The following OSBPL3 variants were observed in gnomAD, a reference collection of about 807,000 sequenced individuals.
OSBPL3 encodes the protein oxysterol-binding protein-related protein 3.
OSBPL3 carries 65 observed loss-of-function variants against 120.1 expected under a neutral mutation model. The ratio of observed to expected loss-of-function variants is 0.54; its 90% CI spans 0.44 to 0.67. The LOEUF (loss-of-function observed/expected upper bound fraction) is 0.67. Among genes scored for constraint, OSBPL3 ranks in the 30% least tolerant of loss-of-function variants. The pLI, the probability that OSBPL3 is intolerant of heterozygous loss-of-function variation, is 0.00. For missense variants in OSBPL3, 1,004 were observed against 1,082.1 expected, an observed-to-expected ratio of 0.93 and a Z score of 1.01; for synonymous variants, 416 against 402.6, an observed-to-expected ratio of 1.03 and a Z score of -0.40.
chr7:24,954,251 G>A (rs765676245), intron 1 of OSBPL3, among the ~76,000 whole-genome samples: 1 of 152,118 alleles, frequency 6.6e-6, no homozygotes, highest in Non-Finnish European at 1.5e-5. Flanking sequence ...GCATATTAAG[G>A]TATTTTTAGA....
rs377124778 is a variant in OSBPL3, at chr7:24,936,048, T to C, written c.-149-43427A>G. On this transcript the variant is annotated intron_variant, in intron 1 of 22. Coordinates refer to ENST00000313367, the MANE Select transcript of OSBPL3 (RefSeq NM_015550.4). The surrounding 1 kb of genome is among the most constrained non-coding windows in gnomAD (Gnocchi z 4.2). ...TCCCTCCCCCCTCCCCAGGAATCTT[T>C]TTTTTTTATCACCATTTAATTCATT... 7.8e-4 allele frequency among the ~76,000 whole-genome samples: 109 copies of C among 139,310 alleles called. No individual in the cohort carries two copies. Among genetic ancestry groups the C allele is most frequent in the African/African-American group, 2.7e-3 (103 of 37,524 alleles). The allele number at this position is 139,310 out of a possible 152,430, so 91.4% of individuals were successfully genotyped here.
rs577752589 is a variant in OSBPL3 at position 24,881,217 on chromosome 7, A to T, written c.97-9148T>A. On this transcript the variant is annotated intron_variant, in intron 2 of 22. Coordinates refer to ENST00000313367, the MANE Select transcript of OSBPL3 (RefSeq NM_015550.4). The surrounding 1 kb of genome is among the most constrained non-coding windows in gnomAD (Gnocchi z 4.3). ...GGAGTAGGTGGCAGAAGTTTAGCACAATAAACTCTTCTTTATCTTGATCCA... is the reference window on the plus strand; with the variant it reads ...GGAGTAGGTGGCAGAAGTTTAGCACTATAAACTCTTCTTTATCTTGATCCA... 3.3e-5 allele frequency among the ~76,000 whole-genome samples: 5 copies of T among 152,362 alleles called. No individual in the cohort carries two copies. In the East Asian group the frequency reaches 9.6e-4, roughly 29 times the overall value.
In OSBPL3 at chr7:24,804,002, T is replaced by C. The variant is rs10227466; in HGVS notation, c.2567+313A>G. On this transcript the variant is annotated intron_variant, in intron 22 of 22. Coordinates refer to ENST00000313367, the MANE Select transcript of OSBPL3 (RefSeq NM_015550.4). This position sits in a 1 kb window ranked among gnomAD's most constrained non-coding sequence, Gnocchi z 5.4. ...CTGTGGATTTAATAAGCTGGCCTGG[T>C]GCTGGGACCCAGTTCTGGCAGGCTC... is the stretch of plus-strand genomic sequence containing the variant. Among the ~76,000 whole-genome samples, 96,989 of 151,956 alleles carry C rather than the reference T, an allele frequency of 0.64. 32,300 individuals carry two copies. Among genetic ancestry groups the C allele is most frequent in the East Asian group, 0.98 (5,065 of 5,164 alleles).
In OSBPL3 at chr7:24,805,491, A is replaced by G. The variant is rs186033901; in HGVS notation, c.2445-1054T>C. 7.2e-5 allele frequency among the ~76,000 whole-genome samples: 11 copies of G among 152,306 alleles called. No individual in the cohort carries two copies. In the East Asian group the frequency reaches 2.1e-3, roughly 29 times the overall value. On this transcript the variant is annotated intron_variant, in intron 21 of 22. Coordinates refer to ENST00000313367, the MANE Select transcript of OSBPL3 (RefSeq NM_015550.4). The surrounding 1 kb of genome is among the most constrained non-coding windows in gnomAD (Gnocchi z 4.0). Reference sequence around the variant, plus strand: ...CAATGCTTGCCATTCTTTAAACACCACATACGTTATTAATATATACTGTAT... The same window carrying G: ...CAATGCTTGCCATTCTTTAAACACCGCATACGTTATTAATATATACTGTAT...
At chr7:24,963,976 A>T (rs1210816835) in intron 1 of OSBPL3, among the ~76,000 whole-genome samples, 2 of 152,238 alleles carry the variant, frequency 1.3e-5, no homozygotes, top group African/African-American at 4.8e-5. Context: ...ATGGACTTAC[A>T]TCAAAGGGAT....
intron 1 of OSBPL3, among the ~76,000 whole-genome samples, chr7:24,929,995 G>T (rs1811589944): frequency 6.6e-6 from 1 of 152,080 alleles, no homozygotes; most frequent in Non-Finnish European, 1.5e-5. Context: ...CACCTCTCTG[G>T]GTTCTCATAG....
chr7:24,903,672 A>C (rs1339515456), intron 1 of OSBPL3, among the ~76,000 whole-genome samples: 1 of 152,170 alleles, frequency 6.6e-6, no homozygotes, highest in Non-Finnish European at 1.5e-5. Flanking sequence ...TGTTTGCTAC[A>C]CATCCACCCC....
intron 1 of OSBPL3, among the ~76,000 whole-genome samples, chr7:24,974,574 T>C (rs1168027112): frequency 6.6e-6 from 1 of 152,158 alleles, no homozygotes; most frequent in Admixed American, 6.5e-5. Context: ...CACATTAGAA[T>C]CAAACTTTTT....
At chr7:24,836,448 C>A (rs1306488592) in intron 14 of OSBPL3, among the ~76,000 whole-genome samples, 3 of 152,172 alleles carry the variant, frequency 2.0e-5, no homozygotes, top group African/African-American at 7.2e-5. Context: ...ACACCATACT[C>A]TCTTGTTTTA....
chr7:24,946,499 A>G lies in OSBPL3; in HGVS notation c.-150+33387T>C, dbSNP rs550650768. 1.6e-4 allele frequency among the ~76,000 whole-genome samples: 25 copies of G among 152,338 alleles called. No homozygotes were observed. The highest frequency in any genetic ancestry group is 3.6e-4 in the African/African-American group (15 of 41,584). The stretch of plus-strand genomic sequence containing the variant: ...AAAAAATGTGTTTAGGTAGAAGACT[A>G]TATTTTAGATATGAGACATTAAGAG... On this transcript the variant is annotated intron_variant, in intron 1 of 22. Coordinates refer to ENST00000313367, the MANE Select transcript of OSBPL3 (RefSeq NM_015550.4). The surrounding 1 kb of genome is among the most constrained non-coding windows in gnomAD (Gnocchi z 4.3).
chr7:24,806,977 G>T lies in OSBPL3; in HGVS notation c.2318-75C>A. On this transcript the variant is annotated intron_variant, in intron 20 of 22. Transcript: ENST00000313367. The surrounding 1 kb of genome is among the most constrained non-coding windows in gnomAD (Gnocchi z 5.2). ...ACATTTTAATTCCTTCACCTTTTTCGTCTCAGCCTAGCTACAATTTTTCTC... is the reference window on the plus strand; with the variant it reads ...ACATTTTAATTCCTTCACCTTTTTCTTCTCAGCCTAGCTACAATTTTTCTC... The T allele has an allele frequency of 7.3e-7, 1 of 1,360,752 alleles. No homozygotes were observed. The highest frequency in any genetic ancestry group is 1.0e-6 in the Non-Finnish European group (1 of 1,001,380). 84.3% of individuals were successfully genotyped at this position (1,360,752 alleles called of 1,614,324 possible).
chr7:24,886,256 T>C (rs1804516384), intron 2 of OSBPL3, among the ~76,000 whole-genome samples: 1 of 152,152 alleles, frequency 6.6e-6, no homozygotes, highest in African/African-American at 2.4e-5. Flanking sequence ...AAAAAAAACA[T>C]GGCAAGGTTA....
In OSBPL3 at chr7:24,863,660, G is replaced by C; in HGVS notation, c.674-61C>G. 3 of 1,067,682 alleles carry C rather than the reference G, an allele frequency of 2.8e-6. No individual in the cohort carries two copies. The highest frequency in any genetic ancestry group is 2.9e-6 in the Non-Finnish European group (2 of 689,400). The allele number at this position is 1,067,682 out of a possible 1,614,324, so 66.1% of individuals were successfully genotyped here. A position where few individuals can be genotyped will look rare whatever the true frequency, so the allele number is the denominator to read the frequency against. Reference sequence around the variant, plus strand: ...CACTAGCAAGAGGGATCACTGTGCTGTCCCCATGCCAGCTACTTTTCCTTA... The same window carrying C: ...CACTAGCAAGAGGGATCACTGTGCTCTCCCCATGCCAGCTACTTTTCCTTA... On this transcript the variant is annotated intron_variant, in intron 7 of 22. Coordinates refer to ENST00000313367, the MANE Select transcript of OSBPL3 (RefSeq NM_015550.4). This position sits in a 1 kb window ranked among gnomAD's most constrained non-coding sequence, Gnocchi z 5.8.
In OSBPL3 at chr7:24,896,492, C is replaced by A. The variant is rs545286089; in HGVS notation, c.-149-3871G>T. On this transcript the variant is annotated intron_variant, in intron 1 of 22. Transcript: ENST00000313367. This position sits in a 1 kb window ranked among gnomAD's most constrained non-coding sequence, Gnocchi z 4.4. ...GGAAAAGAGAACCCTGATTTCTACC[C>A]AGAATGGGGAAGAATAAATGACCAA... 1.3e-5 allele frequency among the ~76,000 whole-genome samples: 2 copies of A among 152,314 alleles called. No individual in the cohort carries two copies. The highest frequency in any genetic ancestry group is 4.1e-4 in the South Asian group (2 of 4,832).
chr7:24,880,097 T>C (rs1018384165), intron 2 of OSBPL3, among the ~76,000 whole-genome samples: 1 of 152,238 alleles, frequency 6.6e-6, no homozygotes, highest in Non-Finnish European at 1.5e-5. Context: ...GGGGTTTTTA[T>C]AGTTGCTATT....
In OSBPL3 at chr7:24,852,602, T is replaced by C. The variant is rs11768296; in HGVS notation, c.1060A>G (p.Met354Val). Residue 354 changes from methionine to valine, a missense_variant, in exon 11 of 23, where the codon ATG becomes GTG. Met to Val is a conservative substitution (Grantham distance 21). Coordinates refer to ENST00000313367, the MANE Select transcript of OSBPL3 (RefSeq NM_015550.4). The surrounding 1 kb of genome is among the most constrained non-coding windows in gnomAD (Gnocchi z 4.1). ...YFTLRSAFNI[M>V]SAEREKLKQL... ...TTCAGTTTCTCTCTCTCCGCTGACATGATATTAAAAGCTGACCTTAAAGTG... is the reference window on the plus strand; with the variant it reads ...TTCAGTTTCTCTCTCTCCGCTGACACGATATTAAAAGCTGACCTTAAAGTG... 10,180 of 1,605,624 alleles carry C rather than the reference T, an allele frequency of 6.3e-3. 46 individuals are homozygous for C. Among genetic ancestry groups the C allele is most frequent in the Non-Finnish European group, 7.4e-3 (8,737 of 1,176,916 alleles).
chr7:24,860,996 G>A (rs10258098), intron 10 of OSBPL3, among the ~76,000 whole-genome samples: 1,787 of 152,292 alleles, frequency 0.012, 38 homozygotes, highest in African/African-American at 0.041. Flanking sequence ...ATACAACACT[G>A]CCAAACTGTT....
chr7:24,976,760 A>T (rs1277658221), intron 1 of OSBPL3, among the ~76,000 whole-genome samples: 2 of 152,254 alleles, frequency 1.3e-5, no homozygotes, highest in Non-Finnish European at 2.9e-5. Flanking sequence ...CTACTGAAAT[A>T]GAATTAACAA....
chr7:24,951,935 A>G (rs1814493953), intron 1 of OSBPL3, among the ~76,000 whole-genome samples: 1 of 152,228 alleles, frequency 6.6e-6, no homozygotes, highest in Non-Finnish European at 1.5e-5. Flanking sequence ...TTTTTTTAAA[A>G]CATAAAAAGG....
Sources: allele counts gnomAD v4.1 joint callset (sites outside exome capture counted in the v4.1 genomes callset), GRCh38; gene constraint gnomAD v4.1.1; non-coding constraint Gnocchi (gnomAD v3.1); transcripts MANE v1.5; gene names NCBI Gene and HGNC (gene_info 2026-07-23, HGNC 2026-07-21).